The following DOCK3 variants were observed in gnomAD, a reference collection of about 807,000 sequenced individuals.
The protein encoded by DOCK3 is dedicator of cytokinesis 3.
A neutral mutation model predicts 265.6 loss-of-function variants in DOCK3; 60 were observed. That is an observed-to-expected ratio of 0.23 (90% confidence interval 0.18 to 0.28). DOCK3 has a LOEUF of 0.28. Ranked by LOEUF, DOCK3 falls within the 10% of genes least tolerant of loss-of-function variation. The probability of loss-of-function intolerance (pLI) is 1.00; values close to 1 mark genes in which losing one functional copy is unlikely to be tolerated. For missense variants in DOCK3, 1,981 were observed against 2,594.3 expected (o/e 0.76, Z 5.14); for synonymous variants, 881 against 938.0 (o/e 0.94, Z 1.11).
intron 1 of DOCK3, among the ~76,000 whole-genome samples, chr3:50,736,955 G>A (rs1237211166): frequency 6.6e-6 from 1 of 152,206 alleles, no homozygotes; most frequent in South Asian, 2.1e-4. Context: ...GCCTCCCAAA[G>A]TGCTGGGATT....
intron 13 of DOCK3, among the ~76,000 whole-genome samples, chr3:51,212,321 T>G (rs1187640978): frequency 6.6e-6 from 1 of 152,208 alleles, no homozygotes; most frequent in Admixed American, 6.5e-5. Context: ...CTTCATGAGT[T>G]TCACTTTGCT....
At chr3:51,309,467 G>C (rs4085062) in intron 27 of DOCK3, among the ~76,000 whole-genome samples, 25 of 152,256 alleles carry the variant, frequency 1.6e-4, no homozygotes, top group African/African-American at 4.6e-4. Flanking sequence ...GCCTGCAATC[G>C]CAGGCACTCG....
At chr3:50,758,537 G>T (rs983409923) in intron 1 of DOCK3, among the ~76,000 whole-genome samples, 2 of 152,024 alleles carry the variant, frequency 1.3e-5, no homozygotes, top group Non-Finnish European at 2.9e-5. Context: ...TGAACGCGCC[G>T]ATCTCGTCTG....
At chr3:51,169,679 C>T (rs2086579881) in intron 12 of DOCK3, among the ~76,000 whole-genome samples, 2 of 151,794 alleles carry the variant, frequency 1.3e-5, no homozygotes, top group South Asian at 4.2e-4. Flanking sequence ...GTACAGCCAA[C>T]CCTTATGATA....
intron 5 of DOCK3, among the ~76,000 whole-genome samples, chr3:51,009,717 C>G (rs2078863387): frequency 6.6e-6 from 1 of 152,056 alleles, no homozygotes; most frequent in Admixed American, 6.5e-5. Context: ...GTTAGGGTGT[C>G]AATTTTAGAT....
At chr3:51,278,446 T>A (rs989149233) in intron 26 of DOCK3, 145 of 985,210 alleles carry the variant, frequency 1.5e-4, no homozygotes, top group Non-Finnish European at 1.7e-4. Context: ...GATGGGAGAT[T>A]ACAGTGATCT....
chr3:51,145,746 T>C (rs1001545532), intron 9 of DOCK3, among the ~76,000 whole-genome samples: 25 of 152,148 alleles, frequency 1.6e-4, no homozygotes, highest in Admixed American at 3.9e-4. Context: ...AAGAGTTATA[T>C]AAAACAGCAC....
intron 26 of DOCK3, chr3:51,278,517 C>T (rs1377893223): frequency 3.0e-6 from 3 of 985,200 alleles, no homozygotes; most frequent in African/African-American, 1.7e-5. Context: ...GCAGGGAGCA[C>T]TCAGGGAGCA....
At chr3:50,840,540 C>T (rs1034902733) in intron 2 of DOCK3, among the ~76,000 whole-genome samples, 4 of 152,084 alleles carry the variant, frequency 2.6e-5, no homozygotes, top group Non-Finnish European at 4.4e-5. Context: ...GGGTCTATTT[C>T]TGGATTCTCT....
chr3:51,010,446 C>CT (rs561726800), intron 5 of DOCK3, among the ~76,000 whole-genome samples: 4 of 151,400 alleles, frequency 2.6e-5, no homozygotes, highest in Non-Finnish European at 3.0e-5. Flanking sequence ...GCAACCCCTA[C>CT]TTTTTTTTTG....
chr3:51,313,001 C>G, intron 31 of DOCK3, 99 bp downstream of exon 31: 1 of 1,139,994 alleles, frequency 8.8e-7, no homozygotes, highest in South Asian at 1.4e-5. Flanking sequence ...AATGTTAATT[C>G]AGGCCCAAGA....
chr3:51,173,339 T>C (rs1268729523), intron 12 of DOCK3, among the ~76,000 whole-genome samples: 2 of 152,144 alleles, frequency 1.3e-5, no homozygotes, highest in African/African-American at 4.8e-5. Flanking sequence ...CCCAGACTGA[T>C]CTCAAACTCC....
chr3:50,799,912 A>G (rs1220156591), intron 2 of DOCK3, among the ~76,000 whole-genome samples: 1 of 152,050 alleles, frequency 6.6e-6, no homozygotes, highest in African/African-American at 2.4e-5. Flanking sequence ...TCATGAAGGG[A>G]TGTTGAATTT....
intron 9 of DOCK3, among the ~76,000 whole-genome samples, chr3:51,121,767 G>A (rs2084028612): frequency 6.6e-6 from 1 of 152,142 alleles, no homozygotes; most frequent in East Asian, 1.9e-4. Context: ...CAAACCCTGT[G>A]TCAGGAGCTT....
chr3:50,895,461 A>G (rs547590479), intron 4 of DOCK3, among the ~76,000 whole-genome samples: 7 of 152,026 alleles, frequency 4.6e-5, no homozygotes, highest in Admixed American at 2.0e-4. Flanking sequence ...AGGCCGTCAT[A>G]AACTGTGTAC....
chr3:50,808,639 A>T (rs566591902), intron 2 of DOCK3, among the ~76,000 whole-genome samples: 1 of 152,294 alleles, frequency 6.6e-6, no homozygotes, highest in South Asian at 2.1e-4. Flanking sequence ...GTGCTCTGGG[A>T]AGTTGTGCCA....
In DOCK3 at chr3:50,999,035, T is replaced by C. The variant is rs1328009676; in HGVS notation, c.315+64958T>C. On this transcript the variant is annotated intron_variant, in intron 5 of 52. Transcript: ENST00000266037. ...CATTTAACTAACACTAATGTTCCTC[T>C]AGAAATTAAAAAGAGTTAAAATTAT... Among the ~76,000 whole-genome samples the C allele has an allele frequency of 3.3e-5, 5 of 152,346 alleles. No individual in the cohort carries two copies. In the East Asian group the frequency reaches 5.8e-4, roughly 18 times the overall value.
Position 51,217,525 on chromosome 3 carries a change from AAAACTGAACATG to A in DOCK3, c.1252+3279_1252+3290del, listed in dbSNP as rs1249919644. On this transcript the variant is annotated intron_variant, in intron 14 of 52. Coordinates refer to ENST00000266037, the MANE Select transcript of DOCK3 (RefSeq NM_004947.5). Reference sequence around the variant, plus strand: ...TATGAGAAATTTAGCCATTTTTTAAAAAACTGAACATGTAACCTTTTGTTAGTTGATCACCAT... The same window carrying A: ...TATGAGAAATTTAGCCATTTTTTAAATAACCTTTTGTTAGTTGATCACCAT... Among the ~76,000 whole-genome samples the A allele has an allele frequency of 1.1e-4, 17 of 152,334 alleles. No individual in the cohort carries two copies. The East Asian group carries it at 2.7e-3, about 24-fold the overall frequency.
chr3:51,126,289 T>C (rs747736454), intron 9 of DOCK3, among the ~76,000 whole-genome samples: 1 of 152,254 alleles, frequency 6.6e-6, no homozygotes, highest in African/African-American at 2.4e-5. Flanking sequence ...TGCATTTTTC[T>C]ACACCAGGCA....
Sources: gnomAD v4.1 joint callset for allele counts (sites outside exome capture counted in the v4.1 genomes callset) on GRCh38, gnomAD v4.1.1 for gene constraint, MANE v1.5 for transcripts, NCBI Gene and HGNC (gene_info 2026-07-23, HGNC 2026-07-21) for gene names.